The following APBB2 variants were observed in gnomAD, a reference collection of about 807,000 sequenced individuals.
APBB2 encodes the protein Fe65-like 1.
In APBB2, 38 loss-of-function variants were observed where a neutral mutation model predicts 82.5. The observed-to-expected ratio is 0.46, with a 90% CI of 0.36 to 0.60. The LOEUF is 0.60. Among genes scored for constraint, APBB2 ranks in the 20% least tolerant of loss-of-function variants. The pLI, the probability that APBB2 is intolerant of heterozygous loss-of-function variation, is 0.00. For missense variants in APBB2, 772 were observed against 972.3 expected, an observed-to-expected ratio of 0.79 and a Z score of 2.74; for synonymous variants, 341 against 368.2, an observed-to-expected ratio of 0.93 and a Z score of 0.85.
chr4:40,949,387 T>C (rs1354573391), intron 6 of APBB2, among the ~76,000 whole-genome samples: 2 of 152,188 alleles, frequency 1.3e-5, no homozygotes, highest in Non-Finnish European at 2.9e-5. Context: ...GGTCTTTATG[T>C]ATGATTTTCC....
rs1273008903 is a variant in APBB2, at chr4:41,106,766, G to A, written c.-260-6016C>T. Among the ~76,000 whole-genome samples the A allele has an allele frequency of 2.6e-5, 4 of 152,162 alleles. No individual in the cohort carries two copies. In the East Asian group the frequency reaches 5.8e-4, roughly 22 times the overall value. On this transcript the variant is annotated intron_variant, in intron 2 of 17. Transcript: ENST00000508593. Reference sequence around the variant, plus strand: ...GCTGGGATTACAGGAGTGAGCCACCGTGCCTGGCCTAGATTAGGTACATTT... The same window carrying A: ...GCTGGGATTACAGGAGTGAGCCACCATGCCTGGCCTAGATTAGGTACATTT...
At chr4:40,955,932 C>A (rs376581286) in intron 6 of APBB2, among the ~76,000 whole-genome samples, 3 of 152,002 alleles carry the variant, frequency 2.0e-5, no homozygotes, top group Admixed American at 6.6e-5. Flanking sequence ...TGTGCCACCA[C>A]GCCCGGCTAA....
chr4:41,188,497 T>C (rs1006305734), intron 1 of APBB2, among the ~76,000 whole-genome samples: 6 of 152,180 alleles, frequency 3.9e-5, no homozygotes, highest in Non-Finnish European at 4.4e-5. Flanking sequence ...AAAGATCCTC[T>C]ACGAGCTTTC....
At chr4:40,876,461 C>G (rs1020315291) in intron 12 of APBB2, among the ~76,000 whole-genome samples, 1 of 152,116 alleles carries the variant, frequency 6.6e-6, no homozygotes, top group Non-Finnish European at 1.5e-5. Flanking sequence ...CACACACTAC[C>G]TTTTTTTCTG....
intron 6 of APBB2, among the ~76,000 whole-genome samples, chr4:40,950,459 C>T (rs1422874820): frequency 6.6e-6 from 1 of 152,178 alleles, no homozygotes; most frequent in African/African-American, 2.4e-5. Context: ...TGCCTATAAT[C>T]CCAGCACATT....
Position 41,181,942 on chromosome 4 carries a change from C to CA in APBB2, c.-417+32462dup, listed in dbSNP as rs35142945. ...CTGGGCAACAAGAGTGAAACTGTCT[C>CA]AAAAAAAAAAAAAAAAAAAGAAAAA... On this transcript the variant is annotated intron_variant, in intron 1 of 17. Transcript: ENST00000508593. Among the ~76,000 whole-genome samples, 396 of 93,594 alleles carry CA rather than the reference C, an allele frequency of 4.2e-3. 4 individuals are homozygous for CA. The highest frequency in any genetic ancestry group is 0.028 in the South Asian group (70 of 2,526). 61.4% of individuals were successfully genotyped at this position (93,594 alleles called of 152,430 possible).
chr4:41,009,902 C>G (rs1400998060), intron 6 of APBB2, among the ~76,000 whole-genome samples: 2 of 152,086 alleles, frequency 1.3e-5, no homozygotes, highest in Non-Finnish European at 2.9e-5. Context: ...GTGAAACATA[C>G]AATGTTTAAT....
At chr4:40,987,986 G>A (rs1256665916) in intron 6 of APBB2, among the ~76,000 whole-genome samples, 4 of 152,170 alleles carry the variant, frequency 2.6e-5, no homozygotes, top group Middle Eastern at 3.2e-3. Context: ...AGATAAAATT[G>A]ATCTCTCAAA....
At chr4:41,070,751 G>T (rs1334125900) in intron 3 of APBB2, among the ~76,000 whole-genome samples, 1 of 152,118 alleles carries the variant, frequency 6.6e-6, no homozygotes, top group Non-Finnish European at 1.5e-5. Flanking sequence ...ACTTGATCCT[G>T]AAAACATCAA....
chr4:41,193,869 G>A, intron 1 of APBB2: 1 of 152,202 alleles, frequency 6.6e-6, no homozygotes, highest in Non-Finnish European at 1.5e-5. Context: ...TAATGGAGAA[G>A]TAAAGATAAA....
intron 10 of APBB2, among the ~76,000 whole-genome samples, chr4:40,928,646 G>C (rs1034790196): frequency 5.3e-5 from 8 of 151,922 alleles, no homozygotes; most frequent in African/African-American, 1.9e-4. Context: ...AGCACTTTGA[G>C]AGGCCAAGGC....
intron 12 of APBB2, among the ~76,000 whole-genome samples, chr4:40,859,287 AT>A (rs34512213): frequency 0.37 from 52,162 of 141,564 alleles, 9,901 homozygotes; most frequent in Non-Finnish European, 0.46. Context: ...GGCTGCTGTC[AT>A]TTTTTTTTTT....
At chr4:40,851,732 ATATATATTT>A (rs1180286419) in intron 12 of APBB2, among the ~76,000 whole-genome samples, 9 of 32,740 alleles carry the variant, frequency 2.7e-4, no homozygotes, top group African/African-American at 7.2e-4. Context: ...ATATATATAT[ATATATATTT>A]TTTTTTTTTT....
intron 1 of APBB2, among the ~76,000 whole-genome samples, chr4:41,149,051 C>G (rs1156515743): frequency 1.3e-5 from 2 of 152,090 alleles, no homozygotes; most frequent in Non-Finnish European, 2.9e-5. Context: ...TTTTAATCTC[C>G]AGGCCACATT....
intron 4 of APBB2, among the ~76,000 whole-genome samples, chr4:41,062,347 AT>A (rs11361257): frequency 0.75 from 111,558 of 148,904 alleles, 42,125 homozygotes; most frequent in East Asian, 0.99. Context: ...TAATTTTTGT[AT>A]TTTTTTTTTT....
At chr4:41,193,054 ACTGG>A (rs1414543548) in intron 1 of APBB2, among the ~76,000 whole-genome samples, 1 of 152,256 alleles carries the variant, frequency 6.6e-6, no homozygotes, top group African/African-American at 2.4e-5. Context: ...CTAAAGGCTT[ACTGG>A]CTAAGAAACT....
In APBB2 at chr4:40,835,691, G is replaced by A. The variant is rs541415629; in HGVS notation, c.1530-5114C>T. 2.4e-4 allele frequency among the ~76,000 whole-genome samples: 36 copies of A among 152,342 alleles called. No individual in the cohort carries two copies. In the South Asian group the frequency reaches 6.0e-3, roughly 25 times the overall value. ...CCTTACTCCGAGCCATCCCAGTCTT[G>A]CAATATTACAGGTGACCCCATGTGA... is the stretch of plus-strand genomic sequence containing the variant. On this transcript the variant is annotated intron_variant, in intron 12 of 17. Coordinates refer to ENST00000508593, the MANE Select transcript of APBB2 (RefSeq NM_004307.2).
chr4:41,125,213 A>G (rs1307118003), intron 2 of APBB2, among the ~76,000 whole-genome samples: 6 of 152,264 alleles, frequency 3.9e-5, no homozygotes, highest in Non-Finnish European at 8.8e-5. Flanking sequence ...CTTAAAGCAC[A>G]AGATTTTAAA....
chr4:41,149,473 G>C (rs1383700476), intron 1 of APBB2, among the ~76,000 whole-genome samples: 1 of 151,976 alleles, frequency 6.6e-6, no homozygotes, highest in African/African-American at 2.4e-5. Context: ...AAGGGCTGAG[G>C]AAAGGGGGGA....
Sources: gnomAD v4.1 joint callset for allele counts (sites outside exome capture counted in the v4.1 genomes callset) on GRCh38, gnomAD v4.1.1 for gene constraint, MANE v1.5 for transcripts, NCBI Gene and HGNC (gene_info 2026-07-23, HGNC 2026-07-21) for gene names.